Variants in CSMD1 observed in about 807,000 individuals in gnomAD.
CSMD1 encodes the protein CUB and Sushi multiple domains 1, also known as CUB and sushi domain-containing protein 1.
In CSMD1, 213 loss-of-function variants were observed where a neutral mutation model predicts 417.5. The ratio of observed to expected loss-of-function variants is 0.51; its 90% CI spans 0.46 to 0.57. The LOEUF (loss-of-function observed/expected upper bound fraction) is 0.57, where lower values mean the gene tolerates loss of function less well. Among genes scored for constraint, CSMD1 ranks in the 20% least tolerant of loss-of-function variants. CSMD1 has a pLI of 0.00. For synonymous variants in CSMD1, 2,862 were observed against 1,736.8 expected, an observed-to-expected ratio of 1.65 and a Z score of -16.11; for missense variants, 6,923 against 4,529.7, an observed-to-expected ratio of 1.53 and a Z score of -15.17.
At chr8:3,399,756 G>A (rs577326800) in intron 15 of CSMD1, among the ~76,000 whole-genome samples, 1 of 152,156 alleles carries the variant, frequency 6.6e-6, no homozygotes, top group Non-Finnish European at 1.5e-5. Flanking sequence ...TTTTTCTCTA[G>A]TAATGGTAAT....
At position 3,277,517 on chromosome 8, in the gene CSMD1, G is replaced by T. The variant is rs575863533; in HGVS notation, c.4153+6627C>A. Among the ~76,000 whole-genome samples the T allele has an allele frequency of 1.4e-4, 22 of 152,222 alleles. 2 individuals are homozygous for T. The South Asian group carries it at 4.4e-3, about 30-fold the overall frequency. ...CACTGAATGCATTGTTGGATTCTCT[G>T]TGTGGTGTGAGATCTACAGAGGTCT... On this transcript the variant is annotated intron_variant, in intron 26 of 69. Transcript: ENST00000635120.
chr8:3,356,845 A>C (rs1055866843), intron 21 of CSMD1, among the ~76,000 whole-genome samples: 1 of 152,056 alleles, frequency 6.6e-6, no homozygotes, highest in Non-Finnish European at 1.5e-5. Context: ...GGAATGAGGG[A>C]CTCTGATCCA....
intron 3 of CSMD1, among the ~76,000 whole-genome samples, chr8:4,184,909 G>C (rs1469414544): frequency 6.7e-6 from 1 of 149,728 alleles, no homozygotes; most frequent in Non-Finnish European, 1.5e-5. Context: ...ACCAGCCTCT[G>C]GGTGGATCAC....
intron 3 of CSMD1, among the ~76,000 whole-genome samples, chr8:4,403,207 A>G (rs1804769167): frequency 6.6e-6 from 1 of 152,006 alleles, no homozygotes; most frequent in African/African-American, 2.4e-5. Context: ...TACTCAACCA[A>G]TTTTCTTTTC....
intron 3 of CSMD1, among the ~76,000 whole-genome samples, chr8:4,120,263 G>C (rs1802406961): frequency 6.6e-6 from 1 of 151,090 alleles, no homozygotes; most frequent in Admixed American, 6.6e-5. Flanking sequence ...AAAGGATTTG[G>C]GGTAAAGAAG....
At chr8:3,472,144 G>T (rs1189188245) in intron 11 of CSMD1, among the ~76,000 whole-genome samples, 9 of 152,086 alleles carry the variant, frequency 5.9e-5, no homozygotes, top group Non-Finnish European at 1.3e-4. Context: ...CTTGTAAAGT[G>T]ACTCAAGGGT....
At chr8:4,278,045 C>A (rs372599647) in intron 3 of CSMD1, among the ~76,000 whole-genome samples, 1 of 152,182 alleles carries the variant, frequency 6.6e-6, no homozygotes, top group Non-Finnish European at 1.5e-5. Flanking sequence ...CGGCGCCCAA[C>A]CCCCTTTCCC....
intron 1 of CSMD1, among the ~76,000 whole-genome samples, chr8:4,952,950 T>C (rs992759484): frequency 2.0e-5 from 3 of 152,174 alleles, no homozygotes; most frequent in African/African-American, 7.2e-5. Context: ...ATGGCAGTAA[T>C]TGATACAAAA....
At chr8:3,563,053 G>A (rs1054015035) in intron 10 of CSMD1, among the ~76,000 whole-genome samples, 4 of 151,588 alleles carry the variant, frequency 2.6e-5, no homozygotes, top group African/African-American at 9.7e-5. Flanking sequence ...TTCTTTGCTT[G>A]GTCATGATCT....
intron 3 of CSMD1, among the ~76,000 whole-genome samples, chr8:4,139,218 C>T (rs76707746): frequency 0.3 from 45,003 of 151,964 alleles, 8,084 homozygotes; most frequent in Non-Finnish European, 0.39. Flanking sequence ...ATAAGAGTGT[C>T]CTAGTGGTGC....
chr8:4,801,520 C>T (rs751142656), intron 1 of CSMD1, among the ~76,000 whole-genome samples: 7 of 151,944 alleles, frequency 4.6e-5, no homozygotes, highest in Non-Finnish European at 1.0e-4. Context: ...TTTTGAAGGG[C>T]AGCAGTTACT....
intron 5 of CSMD1, among the ~76,000 whole-genome samples, chr8:3,789,292 C>A (rs1215984960): frequency 6.6e-6 from 1 of 151,962 alleles, no homozygotes. Context: ...TTTCAAGCTT[C>A]CCAGTTTATA....
intron 1 of CSMD1, among the ~76,000 whole-genome samples, chr8:4,850,018 T>C (rs1801374445): frequency 6.6e-6 from 1 of 152,210 alleles, no homozygotes; most frequent in African/African-American, 2.4e-5. Context: ...TTCTAATTTC[T>C]CCACATCTGT....
intron 3 of CSMD1, among the ~76,000 whole-genome samples, chr8:4,361,162 GC>G (rs1161741088): frequency 6.6e-6 from 1 of 152,122 alleles, no homozygotes; most frequent in African/African-American, 2.4e-5. Flanking sequence ...TGTAGAATGG[GC>G]TAAATTAGAC....
chr8:3,682,285 C>G (rs1799706482), intron 7 of CSMD1, among the ~76,000 whole-genome samples: 1 of 152,100 alleles, frequency 6.6e-6, no homozygotes, highest in South Asian at 2.1e-4. Flanking sequence ...TTTTTGCAAT[C>G]TACTCATCTG....
intron 3 of CSMD1, among the ~76,000 whole-genome samples, chr8:4,113,124 A>G (rs1301097203): frequency 6.6e-6 from 1 of 151,878 alleles, no homozygotes; most frequent in Non-Finnish European, 1.5e-5. Context: ...TTACTGTTCC[A>G]CTCATCAGCT....
At chr8:3,770,106 G>A (rs1017028956) in intron 5 of CSMD1, among the ~76,000 whole-genome samples, 12 of 152,164 alleles carry the variant, frequency 7.9e-5, no homozygotes, top group Non-Finnish European at 1.6e-4. Context: ...CCATCAGAGC[G>A]ATTGGCACAG....
At chr8:4,190,501 A>G (rs1395020539) in intron 3 of CSMD1, among the ~76,000 whole-genome samples, 2 of 151,732 alleles carry the variant, frequency 1.3e-5, no homozygotes, top group Non-Finnish European at 2.9e-5. Context: ...GTAAAATAAT[A>G]CAATCAGGAA....
At chr8:3,578,707 A>G (rs1800255495) in intron 9 of CSMD1, among the ~76,000 whole-genome samples, 1 of 152,122 alleles carries the variant, frequency 6.6e-6, no homozygotes, top group Non-Finnish European at 1.5e-5. Flanking sequence ...AGCTCCTCAC[A>G]CAGGAGACAG....
Sources: allele counts gnomAD v4.1 joint callset (sites outside exome capture counted in the v4.1 genomes callset), GRCh38; gene constraint gnomAD v4.1.1; transcripts MANE v1.5; gene names NCBI Gene and HGNC (gene_info 2026-07-23, HGNC 2026-07-21).